NCF2: variants seen among roughly 807,000 people sequenced by gnomAD.
The protein encoded by NCF2 is neutrophil cytosolic factor 2, also known as neutrophil cytosol factor 2.
NCF2 carries 45 observed loss-of-function variants against 70.9 expected under a neutral mutation model. The ratio of observed to expected loss-of-function variants is 0.63; its 90% CI spans 0.50 to 0.81. The LOEUF is 0.81. Ranked by LOEUF, NCF2 falls within the 40% of genes least tolerant of loss-of-function variation. The pLI is 0.00. For synonymous variants in NCF2, 203 were observed against 233.6 expected, an observed-to-expected ratio of 0.87 and a Z score of 1.19; for missense variants, 522 against 631.6, an observed-to-expected ratio of 0.83 and a Z score of 1.86.
At chr1:183,581,216 A>C (rs1386648161) in intron 2 of NCF2, among the ~76,000 whole-genome samples, 1 of 149,218 alleles carries the variant, frequency 6.7e-6, no homozygotes, top group East Asian at 2.1e-4. Flanking sequence ...CAGGAAGTCA[A>C]GACTGCAGTG....
chr1:183,595,874 CCA>C (rs2102946492), upstream of NCF2, among the ~76,000 whole-genome samples: 1 of 152,224 alleles, frequency 6.6e-6, no homozygotes, highest in Non-Finnish European at 1.5e-5. Flanking sequence ...CAGGTCTCTC[CCA>C]CTCAAGGGGA....
At chr1:183,590,573 A>G (rs991927331), upstream of NCF2, 5 of 495,998 alleles carry the variant, frequency 1.0e-5, no homozygotes, top group African/African-American at 1.0e-4. Context: ...GGAAAGAAGC[A>G]GAGAGAGAGA....
intron 2 of NCF2, 47 bp downstream of exon 2, chr1:183,586,848 G>T (rs1400381467): frequency 6.4e-7 from 1 of 1,562,300 alleles, no homozygotes; most frequent in Admixed American, 1.7e-5. Context: ...AGACCCCTTG[G>T]GTTTCTCTCT....
At chr1:183,575,493 G>A (rs886924822) in intron 3 of NCF2, among the ~76,000 whole-genome samples, 1 of 152,162 alleles carries the variant, frequency 6.6e-6, no homozygotes, top group African/African-American at 2.4e-5. Flanking sequence ...TCTTGAGTTG[G>A]GCTGTGGTTC....
intron 4 of NCF2, 81 bp from the exon 5 acceptor site, chr1:183,573,373 G>A (rs925910362): frequency 6.4e-5 from 80 of 1,240,310 alleles, no homozygotes; most frequent in Admixed American, 1.9e-4. Flanking sequence ...GTGAATAGAT[G>A]CAAGAATTCA....
At position 183,590,141 on chromosome 1, in the gene NCF2, G is replaced by A. The variant is rs1380675636; in HGVS notation, c.174+15C>T. 6.2e-7 allele frequency: 1 copy of A among 1,614,124 alleles called. No individual in the cohort carries two copies. Among genetic ancestry groups the A allele is most frequent in the Non-Finnish European group, 8.5e-7 (1 of 1,180,008 alleles). On this transcript the variant is annotated intron_variant, in intron 1 of 14. Transcript: ENST00000367535. Reference sequence around the variant, plus strand: ...AATGCACAGAGGAGGCCCGGAAAGAGGCACCTCCACTCACCTTCTCTGCTT... The same window carrying A: ...AATGCACAGAGGAGGCCCGGAAAGAAGCACCTCCACTCACCTTCTCTGCTT...
the NCF2 span, among the ~76,000 whole-genome samples, chr1:183,598,552 A>G: frequency 1.3e-5 from 2 of 152,140 alleles, no homozygotes; most frequent in African/African-American, 2.4e-5. Flanking sequence ...GTATAAGGAA[A>G]GACAAAGCCC....
At chr1:183,564,122 A>G in intron 10 of NCF2, 92 bp from the exon 11 acceptor site, 1 of 1,262,548 alleles carries the variant, frequency 7.9e-7, no homozygotes, top group Non-Finnish European at 1.2e-6. Context: ...ACCTCTTCAA[A>G]TAGGGCCCCC....
intron 12 of NCF2, 21 bp downstream of exon 12, chr1:183,563,413 A>G: frequency 6.2e-7 from 1 of 1,614,146 alleles, no homozygotes. Context: ...TACCCCTCAC[A>G]GCTGCCTGCA....
At chr1:183,560,003 G>A (rs1268937755) in intron 14 of NCF2, 93 bp downstream of exon 14, 1 of 1,400,546 alleles carries the variant, frequency 7.1e-7, no homozygotes, top group Non-Finnish European at 1.0e-6. Context: ...CTAAAGTTTT[G>A]TTTGTAGATT....
intron 13 of NCF2, 105 bp from the exon 14 acceptor site, chr1:183,560,378 A>T: frequency 1.5e-6 from 2 of 1,303,266 alleles, no homozygotes; most frequent in Non-Finnish European, 2.2e-6. Flanking sequence ...TGGGATATAA[A>T]CTCATAAAGT....
rs1334091863 is a variant in NCF2 at position 183,579,646 on chromosome 1, G to C, written c.258-1939C>G. On this transcript the variant is annotated intron_variant, in intron 2 of 14. Transcript: ENST00000367535. ...CCCAGCTACTCAGGAGGCTGAGGCA[G>C]GAGAATGGCATGAACCCAGGAGGCA... is the stretch of plus-strand genomic sequence containing the variant. Among the ~76,000 whole-genome samples, 6 of 150,170 alleles carry C rather than the reference G, an allele frequency of 4.0e-5. No homozygotes were observed. In the Admixed American group the frequency reaches 4.0e-4, roughly 10 times the overall value.
chr1:183,559,927 G>A (rs989198482), intron 14 of NCF2, among the ~76,000 whole-genome samples, 169 bp downstream of exon 14: 2 of 152,200 alleles, frequency 1.3e-5, no homozygotes, highest in Non-Finnish European at 2.9e-5. Flanking sequence ...CAATAGACAG[G>A]GAAAGTCTGA....
chr1:183,560,877 G>A (rs780693222), intron 13 of NCF2, among the ~76,000 whole-genome samples: 2 of 152,188 alleles, frequency 1.3e-5, no homozygotes, highest in South Asian at 4.1e-4. Context: ...CTTTACAGAT[G>A]GGGACAGAGC....
At chr1:183,575,627 G>A (rs920573198) in intron 3 of NCF2, among the ~76,000 whole-genome samples, 3 of 152,184 alleles carry the variant, frequency 2.0e-5, no homozygotes, top group Admixed American at 2.0e-4. Context: ...GGATATTATG[G>A]AAATTAGGGG....
chr1:183,585,185 T>C (rs1444554267), intron 2 of NCF2, among the ~76,000 whole-genome samples: 1 of 152,182 alleles, frequency 6.6e-6, no homozygotes, highest in African/African-American at 2.4e-5. Flanking sequence ...AACCATAGGA[T>C]CAAAGCCTTT....
the NCF2 span, among the ~76,000 whole-genome samples, chr1:183,600,959 G>A: frequency 2.0e-4 from 30 of 152,124 alleles, no homozygotes; most frequent in Non-Finnish European, 3.5e-4. Flanking sequence ...ATCATTTGAG[G>A]CACTACATGG....
intron 14 of NCF2, among the ~76,000 whole-genome samples, chr1:183,557,280 C>T (rs1487063714): frequency 6.6e-6 from 1 of 152,228 alleles, no homozygotes; most frequent in Non-Finnish European, 1.5e-5. Context: ...GACATTAAGG[C>T]ACTGGTGCCT....
chr1:183,597,347 G>T, the NCF2 span, among the ~76,000 whole-genome samples: 1 of 152,164 alleles, frequency 6.6e-6, no homozygotes, highest in East Asian at 1.9e-4. Context: ...GGGAAATGAT[G>T]CTCTAACAAG....
Sources: gnomAD v4.1 joint callset for allele counts (sites outside exome capture counted in the v4.1 genomes callset) on GRCh38, gnomAD v4.1.1 for gene constraint, MANE v1.5 for transcripts, NCBI Gene and HGNC (gene_info 2026-07-23, HGNC 2026-07-21) for gene names.